The following GPHN variants were observed in gnomAD, a reference collection of about 807,000 sequenced individuals.
GPHN encodes the protein gephyrin.
A neutral mutation model predicts 95.5 loss-of-function variants in GPHN; 17 were observed. The ratio of observed to expected loss-of-function variants is 0.18; its 90% CI spans 0.12 to 0.27. GPHN has a LOEUF of 0.27. Among genes scored for constraint, GPHN ranks in the 10% least tolerant of loss-of-function variants. GPHN has a pLI of 1.00. For missense variants in GPHN, 660 were observed against 978.1 expected (o/e 0.67, Z 4.34); for synonymous variants, 320 against 322.5 (o/e 0.99, Z 0.08).
At chr14:67,125,368 A>G (rs750386299) in intron 17 of GPHN, among the ~76,000 whole-genome samples, 14 of 152,184 alleles carry the variant, frequency 9.2e-5, no homozygotes, top group Non-Finnish European at 1.6e-4. Flanking sequence ...GCCATTTGCT[A>G]AGGAAAGCAA....
chr14:66,917,950 G>T (rs1301113572), intron 6 of GPHN, among the ~76,000 whole-genome samples: 1 of 152,116 alleles, frequency 6.6e-6, no homozygotes, highest in Non-Finnish European at 1.5e-5. Flanking sequence ...ACTGTAAGGA[G>T]TTTTAGCCAA....
At chr14:67,293,150 A>T in the GPHN span, among the ~76,000 whole-genome samples, 1 of 152,146 alleles carries the variant, frequency 6.6e-6, no homozygotes, top group Non-Finnish European at 1.5e-5. Context: ...TTTTCCTCCT[A>T]TAAAAACTGT....
At chr14:66,712,721 A>G (rs1334726319) in intron 2 of GPHN, among the ~76,000 whole-genome samples, 1 of 152,148 alleles carries the variant, frequency 6.6e-6, no homozygotes, top group Non-Finnish European at 1.5e-5. Context: ...GAATCTCCAC[A>G]CTGTTTTCCA....
At chr14:66,655,227 G>A (rs950346437) in intron 1 of GPHN, among the ~76,000 whole-genome samples, 1 of 152,236 alleles carries the variant, frequency 6.6e-6, no homozygotes, top group South Asian at 2.1e-4. Flanking sequence ...ATTTTTAAAT[G>A]TTGAGTCTAA....
chr14:66,617,774 T>C (rs1217730157), intron 1 of GPHN, among the ~76,000 whole-genome samples: 1 of 152,220 alleles, frequency 6.6e-6, no homozygotes. Flanking sequence ...GTTTATTTTC[T>C]TCTTTGAAAG....
At chr14:66,642,900 A>G (rs1204537696) in intron 1 of GPHN, among the ~76,000 whole-genome samples, 1 of 151,794 alleles carries the variant, frequency 6.6e-6, no homozygotes, top group African/African-American at 2.4e-5. Context: ...AGATGGAAAC[A>G]TGGCAGAATA....
chr14:66,599,392 A>ATTTCTTTT, intron 1 of GPHN, among the ~76,000 whole-genome samples: 1 of 76,524 alleles, frequency 1.3e-5, no homozygotes, highest in Admixed American at 1.4e-4. Context: ...TTTTTTTTGC[A>ATTTCTTTT]TTTTTTTTTT....
chr14:67,574,213 G>T, the GPHN span: 1 of 1,556,858 alleles, frequency 6.4e-7, no homozygotes. This position sits in a 1 kb window ranked among gnomAD's most constrained non-coding sequence, Gnocchi z 4.2. Flanking sequence ...CCAGCGTGCT[G>T]CCCCACCCCC....
At chr14:67,032,812 G>A (rs937602723) in intron 10 of GPHN, among the ~76,000 whole-genome samples, 2 of 152,118 alleles carry the variant, frequency 1.3e-5, no homozygotes, top group African/African-American at 4.8e-5. Flanking sequence ...TAAAGATTGG[G>A]AGACATGGCT....
intron 1 of GPHN, among the ~76,000 whole-genome samples, chr14:66,611,034 G>A (rs887855699): frequency 1.3e-5 from 2 of 152,044 alleles, no homozygotes; most frequent in African/African-American, 4.8e-5. Context: ...TGCACAGATG[G>A]GCCTAGGAGA....
the GPHN span, among the ~76,000 whole-genome samples, chr14:67,430,704 G>A: frequency 1.3e-5 from 2 of 152,134 alleles, no homozygotes; most frequent in East Asian, 3.9e-4. Flanking sequence ...ATCAGGCGCT[G>A]CCCCAGGACA....
Position 67,070,773 on chromosome 14 carries a change from C to T in GPHN, c.1144+11987C>T, listed in dbSNP as rs141093181. ...ATGTGCTTTCAGGTGCTTTTTCCCCCAGTACTGTGGGTCCCACTTGTGTGC... is the reference window on the plus strand; with the variant it reads ...ATGTGCTTTCAGGTGCTTTTTCCCCTAGTACTGTGGGTCCCACTTGTGTGC... On this transcript the variant is annotated intron_variant, in intron 11 of 22. Transcript: ENST00000478722. Among the ~76,000 whole-genome samples the T allele has an allele frequency of 2.7e-5, 4 of 146,844 alleles. No homozygotes were observed. In the East Asian group the frequency reaches 8.2e-4, roughly 30 times the overall value.
chr14:66,926,290 G>T (rs925438083), intron 8 of GPHN, among the ~76,000 whole-genome samples: 105 of 152,202 alleles, frequency 6.9e-4, no homozygotes, highest in African/African-American at 2.3e-3. Flanking sequence ...CTGTGTTTGT[G>T]GAGTATTACT....
chr14:67,024,866 A>C (rs185694477), intron 10 of GPHN, among the ~76,000 whole-genome samples: 1 of 152,122 alleles, frequency 6.6e-6, no homozygotes, highest in African/African-American at 2.4e-5. Context: ...GTAAAAATTC[A>C]TGGGGTTTTT....
At chr14:66,830,993 T>C (rs1009345166) in intron 4 of GPHN, among the ~76,000 whole-genome samples, 20 of 152,246 alleles carry the variant, frequency 1.3e-4, no homozygotes, top group Middle Eastern at 3.4e-3. Flanking sequence ...GTCATTTTTC[T>C]TTCTTATATT....
At chr14:67,064,829 T>A (rs577138038) in intron 11 of GPHN, among the ~76,000 whole-genome samples, 78 of 152,326 alleles carry the variant, frequency 5.1e-4, no homozygotes, top group African/African-American at 1.6e-3. Flanking sequence ...TCTCTTTTCT[T>A]CTTTATTAGT....
chr14:67,200,267 G>T, the GPHN span: 1 of 787,612 alleles, frequency 1.3e-6, no homozygotes, highest in African/African-American at 1.8e-5. Context: ...CTCCAACCAG[G>T]CCCACTCCCC....
Position 66,939,984 on chromosome 14 carries a change from C to T in GPHN, c.828+15692C>T, listed in dbSNP as rs543058223. ...GCAGGTGAGGACAGCTCAAAAATCT[C>T]GTGTCCTTTGACCAGTCTGTACAGG... On this transcript the variant is annotated intron_variant, in intron 8 of 22. Coordinates refer to ENST00000478722, the MANE Select transcript of GPHN (RefSeq NM_020806.5). Among the ~76,000 whole-genome samples the T allele has an allele frequency of 7.5e-4, 114 of 152,268 alleles. 1 individual carries two copies. The highest frequency in any genetic ancestry group is 2.6e-3 in the African/African-American group (107 of 41,560).
At chr14:67,305,794 A>T in the GPHN span, among the ~76,000 whole-genome samples, 1 of 152,228 alleles carries the variant, frequency 6.6e-6, no homozygotes, top group Non-Finnish European at 1.5e-5. Flanking sequence ...TTTAGTGGTT[A>T]TTTAACCCCC....
Sources: allele counts gnomAD v4.1 joint callset (sites outside exome capture counted in the v4.1 genomes callset), GRCh38; gene constraint gnomAD v4.1.1; non-coding constraint Gnocchi (gnomAD v3.1); transcripts MANE v1.5; gene names NCBI Gene and HGNC (gene_info 2026-07-23, HGNC 2026-07-21).